The following ACVR1B variants were observed in gnomAD, a reference collection of about 807,000 sequenced individuals.
ACVR1B encodes the protein activin A receptor type 1B, also known as activin receptor type-1B.
ACVR1B carries 15 observed loss-of-function variants against 55.6 expected under a neutral mutation model. The ratio of observed to expected loss-of-function variants is 0.27; its 90% CI spans 0.18 to 0.42. ACVR1B has a LOEUF of 0.42. Ranked by LOEUF, ACVR1B falls within the 10% of genes least tolerant of loss-of-function variation. The pLI, the probability that ACVR1B is intolerant of heterozygous loss-of-function variation, is 1.00. For missense variants in ACVR1B, 359 were observed against 670.1 expected (o/e 0.54, Z 5.13); for synonymous variants, 247 against 254.6 (o/e 0.97, Z 0.28).
chr12:51,953,080 A>G (rs377606729), intron 1 of ACVR1B, among the ~76,000 whole-genome samples: 1 of 152,150 alleles, frequency 6.6e-6, no homozygotes. Context: ...TTATTGACCC[A>G]CAGATGGATC....
chr12:51,952,957 G>T (rs1258101772), intron 1 of ACVR1B, among the ~76,000 whole-genome samples: 2 of 152,106 alleles, frequency 1.3e-5, no homozygotes, highest in Non-Finnish European at 2.9e-5. Context: ...GGCTTTGGGG[G>T]CTGAGAAGAG....
Position 51,951,709 on chromosome 12 carries a change from G to GGGCTGC in ACVR1B, c.-31_-26dup, listed in dbSNP as rs1439579253. 3 of 1,063,634 alleles carry GGGCTGC rather than the reference G, an allele frequency of 2.8e-6. No individual in the cohort carries two copies. Among genetic ancestry groups the GGGCTGC allele is most frequent in the African/African-American group, 4.4e-5 (2 of 45,270 alleles). 65.9% of individuals were successfully genotyped at this position (1,063,634 alleles called of 1,614,324 possible). A position where few individuals can be genotyped will look rare whatever the true frequency, so the allele number is the denominator to read the frequency against. On this transcript the variant is annotated 5_prime_UTR_variant, in exon 1 of 9. Coordinates refer to ENST00000257963, the MANE Select transcript of ACVR1B (RefSeq NM_004302.5). ...GCGCGCGCGCGCGCTGGGCGCTGCT[G>GGGCTGC]GGCTGCGGCGGCGGCGGCGGCGGCG...
intron 1 of ACVR1B, among the ~76,000 whole-genome samples, chr12:51,953,213 C>A (rs1233128417): frequency 6.6e-6 from 1 of 152,144 alleles, no homozygotes; most frequent in East Asian, 1.9e-4. Flanking sequence ...TCTTCTCTTA[C>A]ACTAAAAATA....
At chr12:51,972,583 C>T (rs977615861) in intron 1 of ACVR1B, among the ~76,000 whole-genome samples, 1 of 152,086 alleles carries the variant, frequency 6.6e-6, no homozygotes, top group Non-Finnish European at 1.5e-5. Flanking sequence ...CATTAACAGC[C>T]CCACTTTACA....
At position 51,986,848 on chromosome 12, in the gene ACVR1B, C is replaced by T. The variant is rs910543509; in HGVS notation, c.1167C>T (p.Thr389=). 17 of 1,613,826 alleles carry T rather than the reference C, an allele frequency of 1.1e-5. No individual in the cohort carries two copies. The highest frequency in any genetic ancestry group is 1.4e-5 in the Non-Finnish European group (17 of 1,179,804). ...TGGCCCCTGAAGTACTTGATGAAAC[C>T]ATTAATATGAAACACTTTGACTCCT... ...RYMAPEVLDE[T]INMKHFDSFK... Residue 389 remains threonine, a synonymous_variant, in exon 7 of 9, where the codon ACC becomes ACT. Coordinates refer to ENST00000257963, the MANE Select transcript of ACVR1B (RefSeq NM_004302.5).
intron 1 of ACVR1B, among the ~76,000 whole-genome samples, chr12:51,957,360 C>T (rs745477881): frequency 1.2e-4 from 18 of 150,504 alleles, no homozygotes; most frequent in Admixed American, 2.0e-4. Flanking sequence ...AGGAGAATCA[C>T]TTGAACCTGG....
chr12:51,993,630 A>T (rs1942237095), intron 8 of ACVR1B, among the ~76,000 whole-genome samples: 1 of 151,894 alleles, frequency 6.6e-6, no homozygotes, highest in Admixed American at 6.6e-5. Flanking sequence ...AGCTGGGCGT[A>T]GTGGTGTGTG....
At chr12:51,960,605 G>A (rs1313959881) in intron 1 of ACVR1B, among the ~76,000 whole-genome samples, 1 of 152,186 alleles carries the variant, frequency 6.6e-6, no homozygotes, top group African/African-American at 2.4e-5. Context: ...TCTTTGAGGG[G>A]CTAGGGGCTC....
At chr12:51,971,699 C>T (rs960517072) in intron 1 of ACVR1B, among the ~76,000 whole-genome samples, 2 of 152,068 alleles carry the variant, frequency 1.3e-5, no homozygotes, top group Non-Finnish European at 2.9e-5. Context: ...TGAATGTTAA[C>T]AGAAGGCTAG....
At chr12:51,986,706 C>CT in intron 6 of ACVR1B, 112 bp from the exon 7 acceptor site, 1 of 1,437,850 alleles carries the variant, frequency 7.0e-7, no homozygotes, top group Non-Finnish European at 9.3e-7. Context: ...CCCCAAGGGA[C>CT]TTTATCAGGG....
intron 1 of ACVR1B, among the ~76,000 whole-genome samples, chr12:51,954,240 A>G (rs994398656): frequency 2.0e-5 from 3 of 152,244 alleles, no homozygotes; most frequent in African/African-American, 7.2e-5. Flanking sequence ...TAATGAATTA[A>G]CTAGGACTTA....
At chr12:51,964,078 A>C (rs773293540) in intron 1 of ACVR1B, among the ~76,000 whole-genome samples, 1 of 152,240 alleles carries the variant, frequency 6.6e-6, no homozygotes, top group Non-Finnish European at 1.5e-5. Context: ...ATGTGTTTGC[A>C]GGCCATTTGT....
intron 1 of ACVR1B, among the ~76,000 whole-genome samples, chr12:51,958,712 T>C (rs1282620749): frequency 1.3e-5 from 2 of 151,878 alleles, no homozygotes; most frequent in Non-Finnish European, 2.9e-5. Flanking sequence ...ATAAGGTGCA[T>C]GCAAGCTAGA....
rs1471674323 is a variant in ACVR1B at position 51,975,486 on chromosome 12, G to A, written c.313G>A (p.Asp105Asn). 12 of 1,613,878 alleles carry A rather than the reference G, an allele frequency of 7.4e-6. No homozygotes were observed. Among genetic ancestry groups the A allele is most frequent in the East Asian group, 2.2e-5 (1 of 44,894 alleles). ...CCYTDYCNRI[D>N]LRVPSGHLKE... ...CTACACTGACTACTGCAACAGGATC[G>A]ACTTGAGGGTGCCCAGTGGTGAGTG... Residue 105 changes from aspartate to asparagine, a missense_variant, in exon 2 of 9, where the codon GAC (aspartate) becomes AAC (asparagine). Asp to Asn is a conservative substitution (Grantham distance 23). Transcript: ENST00000257963.
At chr12:51,976,666 G>C (rs1316141893) in intron 3 of ACVR1B, 91 bp downstream of exon 3, 1 of 1,510,448 alleles carries the variant, frequency 6.6e-7, no homozygotes, top group Non-Finnish European at 9.0e-7. Context: ...TGGAGGCCCT[G>C]CATTTGTTTC....
At chr12:51,956,308 C>T (rs1385829784) in intron 1 of ACVR1B, among the ~76,000 whole-genome samples, 1 of 152,156 alleles carries the variant, frequency 6.6e-6, no homozygotes, top group Non-Finnish European at 1.5e-5. Flanking sequence ...AACATCACAC[C>T]TAATATTTAC....
intron 1 of ACVR1B, among the ~76,000 whole-genome samples, chr12:51,974,219 A>G (rs1941800906): frequency 6.6e-6 from 1 of 152,186 alleles, no homozygotes. Flanking sequence ...CCCCAGCCTC[A>G]GTGTTCTAGT....
intron 3 of ACVR1B, among the ~76,000 whole-genome samples, chr12:51,979,466 CA>C (rs11421560): frequency 5.2e-4 from 61 of 117,764 alleles, no homozygotes; most frequent in Middle Eastern, 4.5e-3. Flanking sequence ...GACACCATCT[CA>C]AAAAAAAAAA....
intron 1 of ACVR1B, among the ~76,000 whole-genome samples, chr12:51,966,599 C>T (rs1321365089): frequency 2.0e-5 from 3 of 152,138 alleles, no homozygotes; most frequent in African/African-American, 7.2e-5. Context: ...CAGGCATGTG[C>T]CACCACACCT....
Sources: gnomAD v4.1 joint callset for allele counts (sites outside exome capture counted in the v4.1 genomes callset) on GRCh38, gnomAD v4.1.1 for gene constraint, MANE v1.5 for transcripts, NCBI Gene and HGNC (gene_info 2026-07-23, HGNC 2026-07-21) for gene names.